Variants in XKR4 observed in about 807,000 individuals in gnomAD.
The protein encoded by XKR4 is XK related 4.
A neutral mutation model predicts 53.9 loss-of-function variants in XKR4; 12 were observed. The observed-to-expected ratio is 0.22, with a 90% CI of 0.14 to 0.36. The LOEUF is 0.36. XKR4 is among the 10% of genes least tolerant of loss of function. The probability of loss-of-function intolerance (pLI) is 1.00; values close to 1 mark genes in which losing one functional copy is unlikely to be tolerated. For missense variants in XKR4, 799 were observed against 859.5 expected (o/e 0.93, Z 0.88); for synonymous variants, 354 against 362.4 (o/e 0.98, Z 0.26).
intron 1 of XKR4, among the ~76,000 whole-genome samples, chr8:55,187,252 A>T (rs1817390458): frequency 6.9e-6 from 1 of 144,112 alleles, no homozygotes; most frequent in Admixed American, 7.3e-5. Context: ...AGTGTTACTC[A>T]GGTCCGACAT....
At chr8:55,345,874 CT>C (rs1053886874) in intron 1 of XKR4, among the ~76,000 whole-genome samples, 2 of 152,154 alleles carry the variant, frequency 1.3e-5, no homozygotes, top group African/African-American at 4.8e-5. Flanking sequence ...ACCATGACCC[CT>C]AATGCCTGTG....
intron 1 of XKR4, among the ~76,000 whole-genome samples, chr8:55,311,289 A>T (rs559040971): frequency 1.4e-4 from 22 of 152,296 alleles, no homozygotes; most frequent in Non-Finnish European, 2.9e-4. Context: ...CAGCCACACA[A>T]TTGCTAAAGA....
intron 2 of XKR4, among the ~76,000 whole-genome samples, chr8:55,437,412 G>A (rs931073797): frequency 1.5e-4 from 23 of 152,128 alleles, no homozygotes; most frequent in African/African-American, 5.6e-4. Context: ...TCAGGGTTAA[G>A]TAGAGATACA....
intron 2 of XKR4, chr8:55,450,775 G>T: frequency 1.8e-6 from 1 of 543,634 alleles, no homozygotes; most frequent in Non-Finnish European, 3.5e-6. Context: ...TCAGTAGAAG[G>T]GGTCTGAGAA....
chr8:55,247,870 T>TCTTTCTTTCTTTCTTTCTTTCTTTCTTTC (rs1407073833), intron 1 of XKR4, among the ~76,000 whole-genome samples: 6 of 135,058 alleles, frequency 4.4e-5, no homozygotes, highest in Admixed American at 7.5e-5. Flanking sequence ...TTTTTTTTTT[T>TCTTTCTTTCTTTCTTTCTTTCTTTCTTTC]TTTTGAGACA....
At position 55,456,387 on chromosome 8, in the gene XKR4, C is replaced by T. The variant is rs563914690; in HGVS notation, c.1007-66894C>T. ...CAGAGGTTGCGGTGAGCTGAGGTTG[C>T]GCCATTGTACTCCAGCCTGGGCAAC... On this transcript the variant is annotated intron_variant, in intron 2 of 2. Coordinates refer to ENST00000327381, the MANE Select transcript of XKR4 (RefSeq NM_052898.2). Among the ~76,000 whole-genome samples, 10 of 151,814 alleles carry T rather than the reference C, an allele frequency of 6.6e-5. No individual in the cohort carries two copies. In the East Asian group the frequency reaches 1.2e-3, roughly 18 times the overall value.
rs1008197227 is a variant in XKR4 at position 55,357,686 on chromosome 8, A to T, written c.815A>T (p.His272Leu). 1 of 1,614,028 alleles carries T rather than the reference A, an allele frequency of 6.2e-7. No homozygotes were observed. The highest frequency in any genetic ancestry group is 8.5e-7 in the Non-Finnish European group (1 of 1,180,000). Residue 272 changes from histidine to leucine, a missense_variant, in exon 2 of 3, where the codon CAC becomes CTC. His to Leu is a moderately conservative substitution (Grantham distance 99). This residue lies in a region of XKR4 where 476 missense variants were observed against 505.4 expected (regional missense o/e 0.94). Coordinates refer to ENST00000327381, the MANE Select transcript of XKR4 (RefSeq NM_052898.2). ...LQLGQIWRYF[H>L]TIYLGIRSRQ... ...CCATGTTTTCTTTCTAGATATTTCC[A>T]CACAATATACTTAGGTATTCGAAGC...
chr8:55,311,848 AAAAGAAAAG>A (rs1819394613), intron 1 of XKR4, among the ~76,000 whole-genome samples: 3 of 145,296 alleles, frequency 2.1e-5, no homozygotes, highest in African/African-American at 7.6e-5. Flanking sequence ...AAAAAAAAAA[AAAAGAAAAG>A]AAAAAGAAAA....
intron 1 of XKR4, among the ~76,000 whole-genome samples, chr8:55,103,595 C>T (rs1228005389): frequency 2.6e-5 from 4 of 151,898 alleles, no homozygotes; most frequent in Non-Finnish European, 5.9e-5. Flanking sequence ...CCCCCCTCCC[C>T]GCTTCCCCAT....
At chr8:55,365,576 G>A (rs541117984) in intron 2 of XKR4, among the ~76,000 whole-genome samples, 7 of 152,064 alleles carry the variant, frequency 4.6e-5, no homozygotes, top group African/African-American at 1.4e-4. Flanking sequence ...GCATGGTGGC[G>A]CATGCCTGTA....
chr8:55,465,786 A>G (rs1377192780), intron 2 of XKR4, among the ~76,000 whole-genome samples: 1 of 152,074 alleles, frequency 6.6e-6, no homozygotes, highest in Non-Finnish European at 1.5e-5. Flanking sequence ...AAACAAATTT[A>G]CAAGAAAAAA....
intron 1 of XKR4, among the ~76,000 whole-genome samples, chr8:55,146,097 C>A (rs999988008): frequency 2.0e-5 from 3 of 152,202 alleles, no homozygotes; most frequent in African/African-American, 7.2e-5. Flanking sequence ...GAAATGTGAT[C>A]TAAGGCCACA....
chr8:55,131,163 A>AAACAACAACAACAACAACAACAAC (rs56967446), intron 1 of XKR4, among the ~76,000 whole-genome samples: 274 of 150,322 alleles, frequency 1.8e-3, no homozygotes, highest in East Asian at 3.8e-3. Context: ...GCTGTCTCAA[A>AAACAACAACAACAACAACAACAAC]AACAACAACA....
intron 1 of XKR4, among the ~76,000 whole-genome samples, chr8:55,195,317 A>G (rs1817491338): frequency 7.1e-6 from 1 of 141,432 alleles, no homozygotes; most frequent in African/African-American, 2.5e-5. Flanking sequence ...AAAATTTAAC[A>G]CTGAGAGTTC....
intron 1 of XKR4, among the ~76,000 whole-genome samples, chr8:55,154,778 A>C (rs1356848558): frequency 6.6e-6 from 1 of 152,234 alleles, no homozygotes; most frequent in African/African-American, 2.4e-5. Flanking sequence ...GCCTAAATTC[A>C]CTTAAAAAGT....
chr8:55,505,486 G>A (rs1278119562), intron 2 of XKR4, among the ~76,000 whole-genome samples: 1 of 152,154 alleles, frequency 6.6e-6, no homozygotes, highest in Non-Finnish European at 1.5e-5. Flanking sequence ...AGGAGTTCCA[G>A]GTTGCAGTGA....
At chr8:55,183,539 A>T (rs908008919) in intron 1 of XKR4, among the ~76,000 whole-genome samples, 3 of 151,854 alleles carry the variant, frequency 2.0e-5, no homozygotes, top group East Asian at 1.9e-4. Context: ...ATTCTTAGGA[A>T]TTTTTCTTAT....
intron 1 of XKR4, among the ~76,000 whole-genome samples, chr8:55,157,751 A>T (rs1816927686): frequency 6.6e-6 from 1 of 152,164 alleles, no homozygotes; most frequent in East Asian, 1.9e-4. Flanking sequence ...TTTAGCTCCC[A>T]CTTACAAGTG....
intron 2 of XKR4, among the ~76,000 whole-genome samples, chr8:55,396,804 T>TA (rs986823773): frequency 2.0e-5 from 3 of 152,216 alleles, no homozygotes; most frequent in Non-Finnish European, 4.4e-5. Context: ...CTTTAAAAAC[T>TA]AAAATCATGC....
Sources: gnomAD v4.1 joint callset for allele counts (sites outside exome capture counted in the v4.1 genomes callset) on GRCh38, gnomAD v4.1.1 for gene constraint, gnomAD v4.1.1 regional missense constraint, MANE v1.5 for transcripts, NCBI Gene and HGNC (gene_info 2026-07-23, HGNC 2026-07-21) for gene names.